The following CHID1 variants were observed in gnomAD, a reference collection of about 807,000 sequenced individuals.
The protein encoded by CHID1 is chitinase domain-containing protein 1.
A neutral mutation model predicts 55.4 loss-of-function variants in CHID1; 44 were observed. That is an observed-to-expected ratio of 0.79 (90% CI 0.62 to 1.02). CHID1 has a LOEUF of 1.02. Ranked by LOEUF, CHID1 falls within the 50% of genes least tolerant of loss-of-function variation. The pLI is 0.00. For synonymous variants in CHID1, 216 were observed against 212.9 expected (o/e 1.01, Z -0.13); for missense variants, 491 against 515.3 (o/e 0.95, Z 0.46).
chr11:899,530 C>G, intron 6 of CHID1, 129 bp from the exon 7 acceptor site: 1 of 821,362 alleles, frequency 1.2e-6, no homozygotes, highest in Non-Finnish European at 2.0e-6. Flanking sequence ...AAGACCCAAG[C>G]CTGGGCTGTA....
chr11:891,266 G>A lies in CHID1; in HGVS notation c.701+2161C>T, dbSNP rs549502216. On this transcript the variant is annotated intron_variant, in intron 8 of 12. Transcript: ENST00000323578. ...CAACAGCAGTGCCCAGCCCTCCCCC[G>A]AGCTGGGTCCCACTTCCCCGGGGAC... is the stretch of plus-strand genomic sequence containing the variant. Among the ~76,000 whole-genome samples, 7 of 152,182 alleles carry A rather than the reference G, an allele frequency of 4.6e-5. No homozygotes were observed. In the South Asian group the frequency reaches 1.2e-3, roughly 27 times the overall value.
At chr11:899,964 G>C (rs775286756) in intron 6 of CHID1, 40 bp downstream of exon 6, 11 of 1,508,732 alleles carry the variant, frequency 7.3e-6, no homozygotes, top group Non-Finnish European at 1.0e-5. Flanking sequence ...TGGGACCCGG[G>C]GGGCTGTGCT....
At chr11:897,949 G>A (rs540792652) in intron 7 of CHID1, among the ~76,000 whole-genome samples, 124 of 152,306 alleles carry the variant, frequency 8.1e-4, no homozygotes, top group African/African-American at 3.0e-3. Context: ...GGACTCCAGG[G>A]CTCTTCTGGA....
intron 1 of CHID1, among the ~76,000 whole-genome samples, chr11:908,935 G>A (rs1852433319): frequency 6.6e-6 from 1 of 152,250 alleles, no homozygotes; most frequent in Admixed American, 6.5e-5. Flanking sequence ...GTCCAGCAGA[G>A]GGGACACTAG....
intron 7 of CHID1, among the ~76,000 whole-genome samples, chr11:896,875 CCA>C (rs1851354250): frequency 1.9e-5 from 2 of 106,916 alleles, no homozygotes; most frequent in Non-Finnish European, 4.0e-5. Flanking sequence ...AGACTCCACC[CCA>C]GACACGAGCC....
chr11:898,180 C>T lies in CHID1; in HGVS notation c.608+1160G>A, dbSNP rs1851520713. Among the ~76,000 whole-genome samples, 7 of 152,348 alleles carry T rather than the reference C, an allele frequency of 4.6e-5. No individual in the cohort carries two copies. In the South Asian group the frequency reaches 1.2e-3, roughly 27 times the overall value. Reference sequence around the variant, plus strand: ...TGCCTCAACAATGTCCCTTCCCTCCCTCAAGCTTAAGATCTGTGTGGGGAC... The same window carrying T: ...TGCCTCAACAATGTCCCTTCCCTCCTTCAAGCTTAAGATCTGTGTGGGGAC... On this transcript the variant is annotated intron_variant, in intron 7 of 12. Transcript: ENST00000323578.
intron 10 of CHID1, among the ~76,000 whole-genome samples, chr11:873,055 A>G (rs550323527): frequency 6.6e-6 from 1 of 152,040 alleles, no homozygotes; most frequent in Admixed American, 6.5e-5. Context: ...AGGAATCGCT[A>G]CTCCCAAGCA....
At chr11:906,402 C>T (rs1852219054) in intron 1 of CHID1, among the ~76,000 whole-genome samples, 1 of 152,124 alleles carries the variant, frequency 6.6e-6, no homozygotes, top group South Asian at 2.1e-4. Flanking sequence ...CCACATCCGG[C>T]TAGTTTTTGT....
At chr11:903,165 C>G (rs1417325215) in intron 2 of CHID1, 54 bp from the exon 3 acceptor site, 1 of 1,556,260 alleles carries the variant, frequency 6.4e-7, no homozygotes, top group Non-Finnish European at 8.7e-7. Flanking sequence ...CAGTGTAGAG[C>G]ACAGAGCCCC....
intron 7 of CHID1, among the ~76,000 whole-genome samples, chr11:894,139 A>G (rs1010901255): frequency 6.6e-6 from 1 of 150,870 alleles, no homozygotes; most frequent in African/African-American, 2.4e-5. Context: ...AAAAAAAAAA[A>G]AAAAAAAAAA....
chr11:870,633 C>T (rs1181659401), intron 10 of CHID1, 134 bp from the exon 11 acceptor site: 5 of 653,350 alleles, frequency 7.7e-6, no homozygotes, highest in African/African-American at 5.4e-5. Context: ...GTCTGGGGGA[C>T]AACACCTGGT....
intron 2 of CHID1, 42 bp from the exon 3 acceptor site, chr11:903,153 C>T: frequency 6.3e-7 from 1 of 1,594,530 alleles, no homozygotes; most frequent in Non-Finnish European, 8.5e-7. Context: ...GTCATCTGTC[C>T]ACAGTGTAGA....
Position 900,041 on chromosome 11 carries a change from A to C in CHID1, c.509T>G (p.Ile170Arg). The C allele has an allele frequency of 6.2e-7, 1 of 1,614,054 alleles. No homozygotes were observed. Residue 170 changes from isoleucine (I) to arginine (R), a missense_variant, in exon 6 of 13, where the codon ATA becomes AGA. Transcript: ENST00000323578. Reference protein sequence around the residue: ...FRNVLDSEDEIEELSKTVVQV... With the variant: ...FRNVLDSEDEREELSKTVVQV... ...GACCACGGTCTTGCTCAGCTCCTCT[A>C]TCTCATCCTCACTGTCTAAGACGTT...
chr11:915,108 T>C (rs1258468687), upstream of CHID1: 1 of 153,510 alleles, frequency 6.5e-6, no homozygotes, highest in Non-Finnish European at 1.4e-5. Context: ...ACATCCTCTC[T>C]GGGTGCTGGG....
chr11:891,988 T>C (rs1413734263), intron 8 of CHID1, among the ~76,000 whole-genome samples: 2 of 147,266 alleles, frequency 1.4e-5, no homozygotes, highest in Non-Finnish European at 3.0e-5. Flanking sequence ...TGGTGACATG[T>C]GCCTGTAGCC....
intron 10 of CHID1, among the ~76,000 whole-genome samples, chr11:873,958 CAG>C (rs1412184919): frequency 6.6e-6 from 1 of 151,468 alleles, no homozygotes; most frequent in African/African-American, 2.4e-5. Flanking sequence ...GGACCAGGGA[CAG>C]AGGTTCGACG....
At position 869,836 on chromosome 11, in the gene CHID1, C is replaced by G. The variant is rs143781870; in HGVS notation, c.*22G>C. 1.4e-5 allele frequency: 23 copies of G among 1,602,006 alleles called. No individual in the cohort carries two copies. Among genetic ancestry groups the G allele is most frequent in the Non-Finnish European group, 1.9e-5 (22 of 1,169,882 alleles). The stretch of plus-strand genomic sequence containing the variant: ...CATGGCTTAGAAAAGAACACGTCCA[C>G]CGCGGAGGCCGCAATGCCCACCTAG... On this transcript the variant is annotated 3_prime_UTR_variant, in exon 13 of 13. Coordinates refer to ENST00000323578, the MANE Select transcript of CHID1 (RefSeq NM_023947.4).
At chr11:890,277 T>G (rs990522458) in intron 8 of CHID1, among the ~76,000 whole-genome samples, 1 of 149,126 alleles carries the variant, frequency 6.7e-6, no homozygotes, top group Non-Finnish European at 1.5e-5. Context: ...CCCCATCCCC[T>G]GAGGCTGCGG....
At chr11:871,773 G>A (rs984532634) in intron 10 of CHID1, among the ~76,000 whole-genome samples, 1 of 152,186 alleles carries the variant, frequency 6.6e-6, no homozygotes, top group African/African-American at 2.4e-5. Flanking sequence ...GGATCCTAAG[G>A]GGTCACAGAT....
Sources: allele counts gnomAD v4.1 joint callset (sites outside exome capture counted in the v4.1 genomes callset), GRCh38; gene constraint gnomAD v4.1.1; transcripts MANE v1.5; gene names NCBI Gene and HGNC (gene_info 2026-07-23, HGNC 2026-07-21).